The following PROS1 variants were observed in gnomAD, a reference collection of about 807,000 sequenced individuals.
PROS1 encodes the protein protein S.
Under a neutral mutation model 75.9 loss-of-function variants are expected in PROS1, and 29 were observed. That is an observed-to-expected ratio of 0.38 (90% confidence interval 0.28 to 0.52). PROS1 has a LOEUF of 0.52. Among genes scored for constraint, PROS1 ranks in the 20% least tolerant of loss-of-function variants. The probability of loss-of-function intolerance (pLI) is 0.83; values close to 1 mark genes in which losing one functional copy is unlikely to be tolerated. For synonymous variants in PROS1, 245 were observed against 280.6 expected (o/e 0.87, Z 1.27); for missense variants, 680 against 810.3 (o/e 0.84, Z 1.95).
chr3:93,912,572 A>G (rs1033216411), intron 3 of PROS1, among the ~76,000 whole-genome samples: 1 of 152,098 alleles, frequency 6.6e-6, no homozygotes, highest in Non-Finnish European at 1.5e-5. Flanking sequence ...TGGAGCCCCT[A>G]TCTGAGTCCA....
At position 93,927,281 on chromosome 3, in the gene PROS1, G is replaced by A. The variant is rs1268026904; in HGVS notation, c.203C>T (p.Ala68Val). ...CGGGTCATTTTCAAAGACCTCCCTG[G>A]CTTCTTCTTTATTGCACAGTTCTTC... ...CIEELCNKEE[A>V]REVFENDPET... The change falls in exon 2 of 15, where the codon GCC (alanine) becomes GTC (valine). Residue 68 changes from alanine (A) to valine (V), a missense_variant. Transcript: ENST00000394236. The A allele has an allele frequency of 8.7e-6, 14 of 1,612,614 alleles. No homozygotes were observed. Among genetic ancestry groups the A allele is most frequent in the East Asian group, 2.2e-5 (1 of 44,868 alleles).
intron 1 of PROS1, among the ~76,000 whole-genome samples, chr3:93,952,067 C>T (rs527926383): frequency 3.3e-5 from 5 of 152,152 alleles, no homozygotes; most frequent in Non-Finnish European, 7.4e-5. Context: ...TACAGGAGCA[C>T]CCAGATTCAC....
Position 93,886,299 on chromosome 3 carries a change from C to T in PROS1, c.1323+37G>A, listed in dbSNP as rs750396223. On this transcript the variant is annotated intron_variant, in intron 11 of 14. Transcript: ENST00000394236. ...TCAAATCTATTACAGACAAAAGGAA[C>T]TCATCCATGATGAATGATACAAGCT... 3.0e-5 allele frequency: 48 copies of T among 1,578,150 alleles called. No individual in the cohort carries two copies. The highest frequency in any genetic ancestry group is 2.2e-4 in the East Asian group (10 of 44,610).
At chr3:93,938,754 G>A (rs538634034) in intron 1 of PROS1, among the ~76,000 whole-genome samples, 15 of 152,274 alleles carry the variant, frequency 9.9e-5, no homozygotes, top group Middle Eastern at 3.4e-3. Context: ...TGCTGGTCAC[G>A]GACTTGGGAA....
chr3:93,894,805 TTCA>T (rs1453554602), intron 9 of PROS1, among the ~76,000 whole-genome samples: 2 of 152,094 alleles, frequency 1.3e-5, no homozygotes, highest in Non-Finnish European at 2.9e-5. Context: ...TTTATAAAAA[TTCA>T]TCAAGCTATA....
rs1308026025 is a variant in PROS1, at chr3:93,905,871, T to C, written c.514A>G (p.Ser172Gly). 2 of 1,613,248 alleles carry C rather than the reference T, an allele frequency of 1.2e-6. No individual in the cohort carries two copies. The highest frequency in any genetic ancestry group is 8.5e-7 in the Non-Finnish European group (1 of 1,179,232). The change falls in exon 6 of 15, where the codon AGT (serine) becomes GGT (glycine). Residue 172 changes from serine (S) to glycine (G), a missense_variant. Coordinates refer to ENST00000394236, the MANE Select transcript of PROS1 (RefSeq NM_000313.4). ...KDPSNINGGCSQICDNTPGSY... is the reference protein window; with the variant it reads ...KDPSNINGGCGQICDNTPGSY... ...CCAGGTGTATTATCACAAATTTGAC[T>C]GCAACCTCCATTTATATTTGAGGGA...
At chr3:93,920,277 G>C (rs1448863268) in intron 3 of PROS1, among the ~76,000 whole-genome samples, 1 of 151,980 alleles carries the variant, frequency 6.6e-6, no homozygotes, top group Non-Finnish European at 1.5e-5. Context: ...AATTTGAGGA[G>C]AACTGATCAC....
At chr3:93,907,245 G>C (rs1708690169) in intron 4 of PROS1, among the ~76,000 whole-genome samples, 1 of 152,224 alleles carries the variant, frequency 6.6e-6, no homozygotes, top group African/African-American at 2.4e-5. Flanking sequence ...GACTCAGCCA[G>C]AGCAGAACAG....
At chr3:93,931,687 A>G (rs1398545804) in intron 1 of PROS1, among the ~76,000 whole-genome samples, 1 of 152,160 alleles carries the variant, frequency 6.6e-6, no homozygotes, top group Non-Finnish European at 1.5e-5. Context: ...GTTGCTTGCA[A>G]TACTTTTCCT....
chr3:93,939,294 G>A (rs1709239256), intron 1 of PROS1, among the ~76,000 whole-genome samples: 1 of 152,052 alleles, frequency 6.6e-6, no homozygotes, highest in South Asian at 2.1e-4. Context: ...CCTAGTCTCT[G>A]TTCCTAATGC....
At chr3:93,937,586 C>T (rs1709204724) in intron 1 of PROS1, among the ~76,000 whole-genome samples, 1 of 152,040 alleles carries the variant, frequency 6.6e-6, no homozygotes, top group Admixed American at 6.5e-5. Flanking sequence ...CCAGGATGGT[C>T]TTGATCTCCT....
chr3:93,925,779 T>C (rs2107199866), intron 2 of PROS1, among the ~76,000 whole-genome samples: 1 of 143,868 alleles, frequency 7.0e-6, no homozygotes. Context: ...ACCATGATCA[T>C]GCCACTGCAC....
At chr3:93,956,316 T>A (rs983451454) in intron 1 of PROS1, among the ~76,000 whole-genome samples, 1 of 152,110 alleles carries the variant, frequency 6.6e-6, no homozygotes, top group African/African-American at 2.4e-5. Context: ...AATTGTGTAT[T>A]TTCAAAGAAA....
At chr3:93,946,564 C>T (rs1280684699) in intron 1 of PROS1, among the ~76,000 whole-genome samples, 1 of 152,026 alleles carries the variant, frequency 6.6e-6, no homozygotes, top group African/African-American at 2.4e-5. Flanking sequence ...GAAAGGATTC[C>T]CTATTTAAAA....
intron 1 of PROS1, among the ~76,000 whole-genome samples, chr3:93,948,646 AAT>A (rs1709443572): frequency 6.6e-6 from 1 of 152,256 alleles, no homozygotes; most frequent in Non-Finnish European, 1.5e-5. Context: ...TATTTAGAAC[AAT>A]AAACAATAAT....
Position 93,940,174 on chromosome 3 carries a change from A to G in PROS1, c.77-12767T>C, listed in dbSNP as rs543517414. On this transcript the variant is annotated intron_variant, in intron 1 of 14. Transcript: ENST00000394236. Reference sequence around the variant, plus strand: ...TGTGCAGAACCCCACTGGAAATCGGACAGTCCAACTCACCCATCAGTCACT... The same window carrying G: ...TGTGCAGAACCCCACTGGAAATCGGGCAGTCCAACTCACCCATCAGTCACT... Among the ~76,000 whole-genome samples, 5 of 152,196 alleles carry G rather than the reference A, an allele frequency of 3.3e-5. 1 individual carries two copies. The highest frequency in any genetic ancestry group is 1.2e-4 in the African/African-American group (5 of 41,526).
At chr3:93,925,300 A>G (rs1163120126) in intron 2 of PROS1, among the ~76,000 whole-genome samples, 1 of 152,220 alleles carries the variant, frequency 6.6e-6, no homozygotes, top group Non-Finnish European at 1.5e-5. Flanking sequence ...AAGCTCATCC[A>G]GAACTGAGTC....
At chr3:93,886,910 C>CT (rs1297839394) in intron 10 of PROS1, among the ~76,000 whole-genome samples, 10,535 of 130,532 alleles carry the variant, frequency 0.081, 535 homozygotes, top group African/African-American at 0.12. Context: ...TAAATAAGTT[C>CT]TTTTTTTTTT....
chr3:93,909,445 A>C (rs1328473867), intron 4 of PROS1, among the ~76,000 whole-genome samples: 1 of 151,972 alleles, frequency 6.6e-6, no homozygotes, highest in Non-Finnish European at 1.5e-5. Flanking sequence ...AAAAAAAAAA[A>C]AAAAAAAAAA....
Sources: allele counts gnomAD v4.1 joint callset (sites outside exome capture counted in the v4.1 genomes callset), GRCh38; gene constraint gnomAD v4.1.1; transcripts MANE v1.5; gene names NCBI Gene and HGNC (gene_info 2026-07-23, HGNC 2026-07-21).